RSF1: variants seen among roughly 807,000 people sequenced by gnomAD.
The protein encoded by RSF1 is remodeling and spacing factor 1.
In RSF1, 13 loss-of-function variants were observed where a neutral mutation model predicts 145.2. That is an observed-to-expected ratio of 0.09 (90% CI 0.06 to 0.14). The LOEUF (loss-of-function observed/expected upper bound fraction) is 0.14. Ranked by LOEUF, RSF1 falls within the 10% of genes least tolerant of loss-of-function variation. The probability of loss-of-function intolerance (pLI) is 1.00; values close to 1 mark genes in which losing one functional copy is unlikely to be tolerated. For synonymous variants in RSF1, 577 were observed against 592.6 expected, an observed-to-expected ratio of 0.97 and a Z score of 0.38; for missense variants, 1,517 against 1,718.2, an observed-to-expected ratio of 0.88 and a Z score of 2.07.
intron 4 of RSF1, chr11:77,734,605 T>A: frequency 6.6e-7 from 1 of 1,524,884 alleles, no homozygotes; most frequent in Non-Finnish European, 9.0e-7. Context: ...TTTCACCTGC[T>A]CATTCAGGTA....
chr11:77,765,002 A>G lies in RSF1; in HGVS notation c.188-313T>C, dbSNP rs1194236934. Among the ~76,000 whole-genome samples, 3 of 152,196 alleles carry G rather than the reference A, an allele frequency of 2.0e-5. 1 individual carries two copies. The highest frequency in any genetic ancestry group is 4.4e-5 in the Non-Finnish European group (3 of 68,030). ...TCAATGTAGGTTCATCAATTATAAG[A>G]AATGTACCATTATTGTGGGAGCCAA... On this transcript the variant is annotated intron_variant, in intron 1 of 15. Coordinates refer to ENST00000308488, the MANE Select transcript of RSF1 (RefSeq NM_016578.4).
chr11:77,714,670 T>C (rs1249518657), intron 5 of RSF1, among the ~76,000 whole-genome samples: 3 of 152,130 alleles, frequency 2.0e-5, no homozygotes. Context: ...GGTGAAACCT[T>C]GTCTCTACAG....
At chr11:77,853,390 T>C in the RSF1 span, among the ~76,000 whole-genome samples, 1 of 152,120 alleles carries the variant, frequency 6.6e-6, no homozygotes, top group Non-Finnish European at 1.5e-5. Flanking sequence ...GAAGCTGGCA[T>C]GTCTTACATG....
the RSF1 span, among the ~76,000 whole-genome samples, chr11:77,862,046 T>C: frequency 6.6e-6 from 1 of 152,202 alleles, no homozygotes; most frequent in Non-Finnish European, 1.5e-5. Flanking sequence ...CCCTGTGTTA[T>C]AGTGGACATA....
intron 5 of RSF1, among the ~76,000 whole-genome samples, chr11:77,711,671 A>AAAACAAACAAAC (rs60296832): frequency 1.3e-5 from 2 of 151,560 alleles, no homozygotes; most frequent in African/African-American, 4.9e-5. Context: ...GTCCGTCTCA[A>AAAACAAACAAAC]AAACAAACAA....
the RSF1 span, among the ~76,000 whole-genome samples, chr11:77,841,522 C>T: frequency 6.6e-6 from 1 of 152,170 alleles, no homozygotes; most frequent in African/African-American, 2.4e-5. Flanking sequence ...ACTGTGTGTA[C>T]AGGGGAGTGC....
At chr11:77,852,002 C>T in the RSF1 span, among the ~76,000 whole-genome samples, 1 of 151,884 alleles carries the variant, frequency 6.6e-6, no homozygotes, top group African/African-American at 2.4e-5. Context: ...TAACATTCTG[C>T]CACATTTGCT....
intron 1 of RSF1, among the ~76,000 whole-genome samples, chr11:77,767,731 G>T (rs1027479320): frequency 3.9e-5 from 6 of 152,078 alleles, no homozygotes; most frequent in Non-Finnish European, 8.8e-5. Context: ...TTTGTCCCTG[G>T]AACACCCACT....
the RSF1 span, among the ~76,000 whole-genome samples, chr11:77,832,995 GTGTA>G: frequency 8.3e-4 from 62 of 74,734 alleles, 1 homozygote; most frequent in South Asian, 2.4e-3. Context: ...GTGTGTGTGT[GTGTA>G]TATATATATA....
the RSF1 span, among the ~76,000 whole-genome samples, chr11:77,871,563 G>T: frequency 6.6e-6 from 1 of 152,202 alleles, no homozygotes; most frequent in Non-Finnish European, 1.5e-5. Flanking sequence ...AGACATTTGA[G>T]CTGCAGTGTA....
chr11:77,811,481 A>G (rs1453968157), intron 1 of RSF1, among the ~76,000 whole-genome samples: 1 of 152,138 alleles, frequency 6.6e-6, no homozygotes, highest in Non-Finnish European at 1.5e-5. Context: ...CAGGGTAAGG[A>G]GATTGAAGTG....
chr11:77,790,734 C>T (rs934730114), intron 1 of RSF1, among the ~76,000 whole-genome samples: 3 of 152,170 alleles, frequency 2.0e-5, no homozygotes, highest in South Asian at 2.1e-4. Context: ...CTTGAAAGTC[C>T]GAAATCCAGT....
chr11:77,726,338 T>C (rs546789062), intron 4 of RSF1, among the ~76,000 whole-genome samples: 1 of 152,320 alleles, frequency 6.6e-6, no homozygotes, highest in African/African-American at 2.4e-5. Context: ...GGTCTCACTT[T>C]GTCATCCAGG....
At position 77,813,513 on chromosome 11, in the gene RSF1, C is replaced by T. The variant is rs1283538921; in HGVS notation, c.187+7015G>A. The stretch of plus-strand genomic sequence containing the variant: ...GATTCTCAAAGTCTTGGTAGGTATT[C>T]GAACTGGTCCTTTCACTTGGAGATT... On this transcript the variant is annotated intron_variant, in intron 1 of 15. Coordinates refer to ENST00000308488, the MANE Select transcript of RSF1 (RefSeq NM_016578.4). 43 of 799,974 alleles carry T rather than the reference C, an allele frequency of 5.4e-5. No individual in the cohort carries two copies. The East Asian group carries it at 7.6e-4, about 14-fold the overall frequency. 49.6% of individuals were successfully genotyped at this position (799,974 alleles called of 1,614,324 possible).
intron 1 of RSF1, among the ~76,000 whole-genome samples, chr11:77,812,951 T>G (rs1437067060): frequency 6.6e-6 from 1 of 151,918 alleles, no homozygotes; most frequent in Non-Finnish European, 1.5e-5. Flanking sequence ...CAACTCATGT[T>G]CTTACACTGA....
intron 2 of RSF1, among the ~76,000 whole-genome samples, chr11:77,761,474 A>G (rs1948171115): frequency 6.6e-6 from 1 of 150,380 alleles, no homozygotes; most frequent in South Asian, 2.1e-4. Flanking sequence ...TTTATTAATA[A>G]TTGGTTATCC....
At chr11:77,730,573 T>A (rs1961181005) in intron 4 of RSF1, among the ~76,000 whole-genome samples, 1 of 152,222 alleles carries the variant, frequency 6.6e-6, no homozygotes, top group African/African-American at 2.4e-5. Context: ...TCACAGTTTT[T>A]ATTATGATAA....
chr11:77,751,089 G>GA (rs1948057786), intron 2 of RSF1, among the ~76,000 whole-genome samples: 1 of 152,098 alleles, frequency 6.6e-6, no homozygotes, highest in African/African-American at 2.4e-5. Flanking sequence ...GATGAGGATG[G>GA]AAAATGTTGG....
intron 4 of RSF1, among the ~76,000 whole-genome samples, chr11:77,733,985 G>C (rs1384241111): frequency 6.6e-6 from 1 of 151,662 alleles, no homozygotes; most frequent in Non-Finnish European, 1.5e-5. Flanking sequence ...CTTTCATTGA[G>C]GCCTAAAGAT....
Sources: allele counts gnomAD v4.1 joint callset (sites outside exome capture counted in the v4.1 genomes callset), GRCh38; gene constraint gnomAD v4.1.1; transcripts MANE v1.5; gene names NCBI Gene and HGNC (gene_info 2026-07-23, HGNC 2026-07-21).